Variants in MYO16 observed in about 807,000 individuals in gnomAD.
The protein encoded by MYO16 is myosin XVI, also known as unconventional myosin-XVI.
A neutral mutation model predicts 205.3 loss-of-function variants in MYO16; 94 were observed. That is an observed-to-expected ratio of 0.46 (90% CI 0.39 to 0.54). The LOEUF is 0.54. Ranked by LOEUF, MYO16 falls within the 20% of genes least tolerant of loss-of-function variation. MYO16 has a pLI of 0.00. For missense variants in MYO16, 2,315 were observed against 2,387.5 expected, an observed-to-expected ratio of 0.97 and a Z score of 0.63; for synonymous variants, 988 against 954.0, an observed-to-expected ratio of 1.04 and a Z score of -0.66.
chr13:109,140,173 G>A lies in MYO16; in HGVS notation c.4052-91G>A, dbSNP rs1876973273. On this transcript the variant is annotated intron_variant, in intron 31 of 34. Coordinates refer to ENST00000457511, the MANE Select transcript of MYO16 (RefSeq NM_001198950.3). This position sits in a 1 kb window ranked among gnomAD's most constrained non-coding sequence, Gnocchi z 8.0. ...GTCCCTTGGGATTCTCGGGGCACGG[G>A]GCCGTGGCTCCCTCCGAGTCGAGCC... The A allele has an allele frequency of 5.9e-6, 9 of 1,534,632 alleles. No homozygotes were observed. The highest frequency in any genetic ancestry group is 2.8e-5 in the African/African-American group (2 of 70,900).
intron 4 of MYO16, 131 bp from the exon 5 acceptor site, chr13:108,785,504 C>T (rs778088970): frequency 3.7e-5 from 18 of 482,374 alleles, no homozygotes; most frequent in African/African-American, 5.9e-5. Flanking sequence ...GCTTCCTACC[C>T]GATTCTTCAG....
In MYO16 at chr13:109,140,689, C is replaced by A; in HGVS notation, c.4477C>A (p.Pro1493Thr). Residue 1493 changes from proline (P) to threonine (T), a missense_variant, in exon 32 of 35, where the codon CCC becomes ACC. Pro to Thr is a conservative substitution (Grantham distance 38). Around this residue, in one of 3 missense-constraint regions of MYO16, gnomAD observed 1,097 missense variants for 1,092.0 expected, o/e 1.00. Transcript: ENST00000457511. The surrounding 1 kb of genome is among the most constrained non-coding windows in gnomAD (Gnocchi z 8.0). ...HRAPEDEAAG[P>T]PGDACDIPPP... ...CGCGCCGGAGGACGAGGCGGCGGGGCCCCCAGGGGACGCGTGCGACATCCC... is the reference window on the plus strand; with the variant it reads ...CGCGCCGGAGGACGAGGCGGCGGGGACCCCAGGGGACGCGTGCGACATCCC... The A allele has an allele frequency of 1.4e-6, 2 of 1,480,812 alleles. No individual in the cohort carries two copies. Among genetic ancestry groups the A allele is most frequent in the Non-Finnish European group, 1.8e-6 (2 of 1,118,682 alleles). The allele number at this position is 1,480,812 out of a possible 1,614,324, so 91.7% of individuals were successfully genotyped here.
At chr13:108,878,371 G>C (rs147566615) in intron 12 of MYO16, among the ~76,000 whole-genome samples, 1 of 152,290 alleles carries the variant, frequency 6.6e-6, no homozygotes, top group East Asian at 1.9e-4. Flanking sequence ...GAGGAGTTCA[G>C]CTAGGGATGG....
intron 34 of MYO16, among the ~76,000 whole-genome samples, chr13:109,193,167 T>C (rs9515007): frequency 0.037 from 5,558 of 152,174 alleles, 151 homozygotes; most frequent in South Asian, 0.071. Context: ...GTATAGAGAA[T>C]AGTGTATATA....
upstream of MYO16, among the ~76,000 whole-genome samples, chr13:108,593,707 C>G (rs1469744962): frequency 6.6e-6 from 1 of 152,138 alleles, no homozygotes; most frequent in Non-Finnish European, 1.5e-5. Context: ...GAGCTTCACC[C>G]ATGAATCCAC....
intron 2 of MYO16, among the ~76,000 whole-genome samples, chr13:108,679,188 A>T (rs1431158435): frequency 6.6e-6 from 1 of 152,136 alleles, no homozygotes. Flanking sequence ...GCTGACCCAG[A>T]TTCTGCATGG....
At chr13:108,850,048 TTG>T (rs1380373236) in intron 10 of MYO16, among the ~76,000 whole-genome samples, 1 of 150,740 alleles carries the variant, frequency 6.6e-6, no homozygotes, top group East Asian at 2.0e-4. Context: ...TCCTCTTTTT[TTG>T]TGTGTGTAAC....
At chr13:108,863,744 T>C (rs536864614) in intron 11 of MYO16, among the ~76,000 whole-genome samples, 1 of 152,268 alleles carries the variant, frequency 6.6e-6, no homozygotes, top group African/African-American at 2.4e-5. Context: ...TCTGAAATAA[T>C]CTGTAGAATG....
At chr13:108,975,869 C>G (rs2139402876) in intron 20 of MYO16, among the ~76,000 whole-genome samples, 1 of 152,220 alleles carries the variant, frequency 6.6e-6, no homozygotes, top group East Asian at 1.9e-4. Flanking sequence ...TTGGGACTAT[C>G]CATGTCATTA....
intron 22 of MYO16, among the ~76,000 whole-genome samples, chr13:109,012,289 G>A (rs551784663): frequency 2.2e-4 from 33 of 152,230 alleles, no homozygotes; most frequent in African/African-American, 7.2e-4. Flanking sequence ...TCACAGCAGG[G>A]GGTGAGCAGC....
intron 23 of MYO16, among the ~76,000 whole-genome samples, chr13:109,028,907 CG>C (rs1278419010): frequency 6.9e-6 from 1 of 145,976 alleles, no homozygotes; most frequent in Admixed American, 7.0e-5. Context: ...CTGTAAAATA[CG>C]TAGATTTTTT....
intron 27 of MYO16, among the ~76,000 whole-genome samples, chr13:109,088,962 A>G (rs114614536): frequency 0.013 from 2,052 of 152,198 alleles, 44 homozygotes; most frequent in African/African-American, 0.047. Flanking sequence ...AGAGTCAGAA[A>G]CTGAGTCCCG....
At chr13:109,137,034 G>A (rs1488071917) in intron 31 of MYO16, among the ~76,000 whole-genome samples, 8 of 152,206 alleles carry the variant, frequency 5.3e-5, no homozygotes, top group Non-Finnish European at 1.0e-4. Flanking sequence ...GTCAGATAGT[G>A]ATCACTGGAA....
intron 23 of MYO16, among the ~76,000 whole-genome samples, chr13:109,033,483 C>G (rs1886609549): frequency 6.6e-6 from 1 of 152,190 alleles, no homozygotes; most frequent in Non-Finnish European, 1.5e-5. Flanking sequence ...CTATCCCTGT[C>G]TTTTCCTGAG....
intron 9 of MYO16, among the ~76,000 whole-genome samples, chr13:108,842,357 A>G (rs1283836568): frequency 3.3e-5 from 5 of 152,150 alleles, no homozygotes; most frequent in Admixed American, 1.3e-4. Context: ...TGTATGTGCA[A>G]ATATATATGA....
chr13:108,819,556 A>G (rs1457488068), intron 7 of MYO16, among the ~76,000 whole-genome samples: 1 of 149,260 alleles, frequency 6.7e-6, no homozygotes, highest in East Asian at 1.9e-4. Context: ...AGATGTCATT[A>G]AAAAAAATGT....
intron 28 of MYO16, among the ~76,000 whole-genome samples, chr13:109,117,713 T>TG (rs1345413233): frequency 6.6e-6 from 1 of 152,054 alleles, no homozygotes; most frequent in Non-Finnish European, 1.5e-5. Context: ...AAAGAGGAGT[T>TG]GGTCAACAGA....
chr13:108,642,546 T>A (rs1880551412), intron 1 of MYO16, among the ~76,000 whole-genome samples: 1 of 152,070 alleles, frequency 6.6e-6, no homozygotes, highest in Non-Finnish European at 1.5e-5. Context: ...GCCTCCCGAG[T>A]AGCTGAGACT....
chr13:109,035,843 C>T (rs1288889661), intron 23 of MYO16, among the ~76,000 whole-genome samples: 2 of 152,166 alleles, frequency 1.3e-5, no homozygotes, highest in Non-Finnish European at 2.9e-5. Flanking sequence ...TCATACGTAA[C>T]GTGCATCCAA....
Sources: gnomAD v4.1 joint callset for allele counts (sites outside exome capture counted in the v4.1 genomes callset) on GRCh38, gnomAD v4.1.1 for gene constraint, gnomAD v4.1.1 regional missense constraint, Gnocchi (gnomAD v3.1) non-coding constraint, MANE v1.5 for transcripts, NCBI Gene and HGNC (gene_info 2026-07-23, HGNC 2026-07-21) for gene names.